Variants in ARHGAP45 observed in about 807,000 individuals in gnomAD.
The protein encoded by ARHGAP45 is Rho GTPase activating protein 45.
ARHGAP45 carries 56 observed loss-of-function variants against 116.1 expected under a neutral mutation model. That is an observed-to-expected ratio of 0.48 (90% CI 0.39 to 0.60). ARHGAP45 has a LOEUF of 0.60. ARHGAP45 is among the 20% of genes least tolerant of loss of function. ARHGAP45 has a pLI of 0.00. For synonymous variants in ARHGAP45, 866 were observed against 701.7 expected, an observed-to-expected ratio of 1.23 and a Z score of -3.70; for missense variants, 1,622 against 1,601.0, an observed-to-expected ratio of 1.01 and a Z score of -0.22.
rs767027342 is a variant in ARHGAP45 at position 1,073,295 on chromosome 19, C to T, written c.565+3C>T. 1 of 1,612,902 alleles carries T rather than the reference C, an allele frequency of 6.2e-7. No homozygotes were observed. The highest frequency in any genetic ancestry group is 8.5e-7 in the Non-Finnish European group (1 of 1,179,762). On this transcript the variant is annotated splice_donor_region_variant and intron_variant, in intron 3 of 22. Transcript: ENST00000313093. ...CACCCTCATTGCCAAGGTCAAAGGT[C>T]AGCCTGCTGGAACAGGGCTGCGAGG...
Position 1,067,248 on chromosome 19 carries a change from G to GA in ARHGAP45, c.-158_-157insA. The GA allele has an allele frequency of 2.2e-6, 3 of 1,380,048 alleles. No homozygotes were observed. Among genetic ancestry groups the GA allele is most frequent in the East Asian group, 3.0e-5 (1 of 33,462 alleles). The allele number at this position is 1,380,048 out of a possible 1,614,324, so 85.5% of individuals were successfully genotyped here. ...GCCTCCCCGAAGCCTTTTCCTGTTG[G>GA]GGGGAGGGCCCGCCAGTGACGGCCG... On this transcript the variant is annotated 5_prime_UTR_variant, in exon 1 of 23. Coordinates refer to ENST00000313093, the MANE Select transcript of ARHGAP45 (RefSeq NM_012292.5).
chr19:1,083,395 G>C, intron 21 of ARHGAP45, 42 bp downstream of exon 21: 4 of 1,475,704 alleles, frequency 2.7e-6, no homozygotes, highest in Non-Finnish European at 3.7e-6. Flanking sequence ...CTCGGGGCTT[G>C]GGGAGCAGGG....
upstream of ARHGAP45, chr19:1,066,066 G>C: frequency 6.5e-7 from 1 of 1,535,696 alleles, no homozygotes; most frequent in South Asian, 1.2e-5. Context: ...CTGCTGGGCT[G>C]GGTTTGCACT....
At position 1,080,632 on chromosome 19, in the gene ARHGAP45, A is replaced by G. The variant is rs780117952; in HGVS notation, c.1913-50A>G. On this transcript the variant is annotated intron_variant, in intron 15 of 22. Transcript: ENST00000313093. Reference sequence around the variant, plus strand: ...GTTTCATCACCCACCGGGGTGATGGAGGGGGCCCCCCTGGCTGGGGGAGTC... The same window carrying G: ...GTTTCATCACCCACCGGGGTGATGGGGGGGGCCCCCCTGGCTGGGGGAGTC... 6 of 1,604,204 alleles carry G rather than the reference A, an allele frequency of 3.7e-6. No homozygotes were observed. In the African/African-American group the frequency reaches 8.0e-5, roughly 22 times the overall value.
In ARHGAP45 at chr19:1,080,786, G is replaced by A; in HGVS notation, c.2017G>A (p.Ala673Thr). 1.2e-6 allele frequency: 2 copies of A among 1,613,276 alleles called. No individual in the cohort carries two copies. The highest frequency in any genetic ancestry group is 4.5e-5 in the East Asian group (2 of 44,886). Reference sequence around the variant, plus strand: ...AGCCGGGGCTTCAGCCTTTGAGCAGGGTGAGGGTCCCCTGACGGGGCTGGA... The same window carrying A: ...AGCCGGGGCTTCAGCCTTTGAGCAGAGTGAGGGTCCCCTGACGGGGCTGGA... ...GGAGASAFEQADLNGMTPELP... is the reference protein window; with the variant it reads ...GGAGASAFEQTDLNGMTPELP... The change falls in exon 16 of 23, where the codon GCT becomes ACT. Residue 673 changes from alanine to threonine, a missense_variant and splice_region_variant. Ala to Thr is a moderately conservative substitution (Grantham distance 58). Coordinates refer to ENST00000313093, the MANE Select transcript of ARHGAP45 (RefSeq NM_012292.5).
At chr19:1,073,784 C>G in intron 5 of ARHGAP45, 38 bp downstream of exon 5, 1 of 1,557,880 alleles carries the variant, frequency 6.4e-7, no homozygotes, top group African/African-American at 1.4e-5. Context: ...TGTCCAGCTT[C>G]TGGAGGCCAG....
chr19:1,085,914 A>C lies in ARHGAP45; in HGVS notation c.3319A>C (p.Asn1107His). The change falls in exon 23 of 23, where the codon AAC (asparagine) becomes CAC (histidine). Residue 1107 changes from asparagine to histidine, a missense_variant. This residue lies in a region of ARHGAP45 where 1,334 missense variants were observed against 1,263.8 expected (regional missense o/e 1.06). Coordinates refer to ENST00000313093, the MANE Select transcript of ARHGAP45 (RefSeq NM_012292.5). ...LSGFNTNQSNNVLQAPLPPMR... is the reference protein window; with the variant it reads ...LSGFNTNQSNHVLQAPLPPMR... ...AGGATTCAACACCAACCAGTCCAAC[A>C]ACGTGCTGCAGGCCCCACTGCCCCC... 5 of 1,612,842 alleles carry C rather than the reference A, an allele frequency of 3.1e-6. No homozygotes were observed. Among genetic ancestry groups the C allele is most frequent in the Non-Finnish European group, 4.2e-6 (5 of 1,179,934 alleles).
Position 1,071,875 on chromosome 19 carries a change from TAC to T in ARHGAP45, c.422-1272_422-1271del, listed in dbSNP as rs1224983481. The T allele has an allele frequency of 6.6e-6, 1 of 152,206 alleles. No individual in the cohort carries two copies. The highest frequency in any genetic ancestry group is 1.5e-5 in the Non-Finnish European group (1 of 68,072). 9.4% of individuals were successfully genotyped at this position (152,206 alleles called of 1,614,324 possible). A position where few individuals can be genotyped will look rare whatever the true frequency, so the allele number is the denominator to read the frequency against. On this transcript the variant is annotated intron_variant, in intron 2 of 22. Coordinates refer to ENST00000313093, the MANE Select transcript of ARHGAP45 (RefSeq NM_012292.5). This position sits in a 1 kb window ranked among gnomAD's most constrained non-coding sequence, Gnocchi z 4.6. ...CGTATTTGGGGCATCCTCTGAGCGGTACAGTCAGGCGTCAAAGCTGCCCCTCC... is the reference window on the plus strand; with the variant it reads ...CGTATTTGGGGCATCCTCTGAGCGGTAGTCAGGCGTCAAAGCTGCCCCTCC...
chr19:1,081,135 G>C lies in ARHGAP45; in HGVS notation c.2190+71G>C, dbSNP rs1172248649. 6 of 1,482,614 alleles carry C rather than the reference G, an allele frequency of 4.0e-6. No individual in the cohort carries two copies. In the African/African-American group the frequency reaches 8.3e-5, roughly 20 times the overall value. 91.8% of individuals were successfully genotyped at this position (1,482,614 alleles called of 1,614,324 possible). On this transcript the variant is annotated intron_variant, in intron 17 of 22. Transcript: ENST00000313093. Reference sequence around the variant, plus strand: ...TTGGGGTGCCCAGCACCGCCGGCCTGTGTGCCCTCAGGAATGTCCGGCCCA... The same window carrying C: ...TTGGGGTGCCCAGCACCGCCGGCCTCTGTGCCCTCAGGAATGTCCGGCCCA...
intron 22 of ARHGAP45, 45 bp from the exon 23 acceptor site, chr19:1,085,604 GTCTCTCCTCCA>G (rs1485803595): frequency 7.6e-6 from 10 of 1,307,520 alleles, no homozygotes; most frequent in African/African-American, 4.6e-5. Context: ...CCCTCCCCTT[GTCTCTCCTCCA>G]TCTCTCCTGT....
chr19:1,078,169 A>G lies in ARHGAP45; in HGVS notation c.1374+124A>G, dbSNP rs189759205. The stretch of plus-strand genomic sequence containing the variant: ...GTTTTTTTGTTTGTTTTTGAGACGG[A>G]GTCTTGCTCTGTCGCCCAGGCTGGA... On this transcript the variant is annotated intron_variant, in intron 11 of 22. Coordinates refer to ENST00000313093, the MANE Select transcript of ARHGAP45 (RefSeq NM_012292.5). 707 of 1,418,686 alleles carry G rather than the reference A, an allele frequency of 5.0e-4. 4 individuals are homozygous for G. The African/African-American group carries it at 8.9e-3, about 18-fold the overall frequency. 87.9% of individuals were successfully genotyped at this position (1,418,686 alleles called of 1,614,324 possible). A position where few individuals can be genotyped will look rare whatever the true frequency, so the allele number is the denominator to read the frequency against.
intron 17 of ARHGAP45, 51 bp from the exon 18 acceptor site, chr19:1,081,499 C>T (rs1468607111): frequency 1.4e-6 from 2 of 1,432,608 alleles, no homozygotes; most frequent in East Asian, 2.6e-5. Context: ...CTGGGGGCTG[C>T]GCTGAGCTGG....
At chr19:1,078,168 G>C in intron 11 of ARHGAP45, 123 bp downstream of exon 11, 2 of 1,422,454 alleles carry the variant, frequency 1.4e-6, no homozygotes. Context: ...TTTTGAGACG[G>C]AGTCTTGCTC....
intron 21 of ARHGAP45, among the ~76,000 whole-genome samples, chr19:1,083,986 A>AC (rs754238128): frequency 4.0e-4 from 61 of 151,486 alleles, no homozygotes; most frequent in Non-Finnish European, 7.2e-4. Flanking sequence ...AGTGATCCGC[A>AC]CCCCCCTTGG....
chr19:1,066,535 C>G (rs552790361), upstream of ARHGAP45: 35 of 236,898 alleles, frequency 1.5e-4, no homozygotes, highest in South Asian at 2.0e-3. Context: ...CATATTCTGC[C>G]GATGGTGGGG....
rs1282568989 is a variant in ARHGAP45, at chr19:1,085,828, T to C, written c.3233T>C (p.Leu1078Pro). ...SGSHSGSEEQLEATAREDGDG... is the reference protein window; with the variant it reads ...SGSHSGSEEQPEATAREDGDG... The stretch of plus-strand genomic sequence containing the variant: ...AGCCACAGCGGCAGTGAGGAGCAGC[T>C]GGAGGCCACAGCCCGGGAGGACGGG... Residue 1078 changes from leucine to proline, a missense_variant, in exon 23 of 23, where the codon CTG becomes CCG. Leu to Pro is a moderately conservative substitution (Grantham distance 98, BLOSUM62 -3). This residue lies in a region of ARHGAP45 where 1,334 missense variants were observed against 1,263.8 expected (regional missense o/e 1.06). Coordinates refer to ENST00000313093, the MANE Select transcript of ARHGAP45 (RefSeq NM_012292.5). 2.5e-6 allele frequency: 4 copies of C among 1,612,362 alleles called. No individual in the cohort carries two copies. Among genetic ancestry groups the C allele is most frequent in the Non-Finnish European group, 3.4e-6 (4 of 1,179,866 alleles).
chr19:1,077,112 G>T, intron 10 of ARHGAP45: 2 of 985,376 alleles, frequency 2.0e-6, no homozygotes, highest in Non-Finnish European at 2.4e-6. Context: ...GAGCCCACAG[G>T]TTTTTGACTA....
At chr19:1,067,921 G>A (rs2043068820) in intron 1 of ARHGAP45, among the ~76,000 whole-genome samples, 3 of 147,762 alleles carry the variant, frequency 2.0e-5, no homozygotes, top group Non-Finnish European at 4.5e-5. Flanking sequence ...CAGAGGTTGG[G>A]GAGTGTCCCC....
rs2043104215 is a variant in ARHGAP45, at chr19:1,069,758, G to A, written c.421+1014G>A. Among the ~76,000 whole-genome samples the A allele has an allele frequency of 6.6e-6, 1 of 152,022 alleles. No individual in the cohort carries two copies. Among genetic ancestry groups the A allele is most frequent in the Non-Finnish European group, 1.5e-5 (1 of 67,964 alleles). The stretch of plus-strand genomic sequence containing the variant: ...GCTTCCTTGGAGGCCTGGCCTGGGC[G>A]GGGCTCAGCTCCCAGGCTCCTGCAG... On this transcript the variant is annotated intron_variant, in intron 2 of 22. Coordinates refer to ENST00000313093, the MANE Select transcript of ARHGAP45 (RefSeq NM_012292.5). This position sits in a 1 kb window ranked among gnomAD's most constrained non-coding sequence, Gnocchi z 4.1.
Sources: allele counts gnomAD v4.1 joint callset (sites outside exome capture counted in the v4.1 genomes callset), GRCh38; gene constraint gnomAD v4.1.1; regional missense constraint gnomAD v4.1.1; non-coding constraint Gnocchi (gnomAD v3.1); transcripts MANE v1.5; gene names NCBI Gene and HGNC (gene_info 2026-07-23, HGNC 2026-07-21).